Variants in METRNL observed in about 807,000 individuals in gnomAD.
METRNL encodes meteorin-like protein.
METRNL carries 9 observed loss-of-function variants against 17.4 expected under a neutral mutation model. The observed-to-expected ratio is 0.52, with a 90% CI of 0.31 to 0.90. METRNL has a LOEUF of 0.90. Ranked by LOEUF, METRNL falls within the 40% of genes least tolerant of loss-of-function variation. METRNL has a pLI of 0.05. For synonymous variants in METRNL, 215 were observed against 199.3 expected, an observed-to-expected ratio of 1.08 and a Z score of -0.66; for missense variants, 408 against 430.7, an observed-to-expected ratio of 0.95 and a Z score of 0.47.
chr17:83,079,658 G>C lies in METRNL; in HGVS notation c.-158G>C, dbSNP rs1052619822. On this transcript the variant is annotated 5_prime_UTR_variant, in exon 1 of 4. Coordinates refer to ENST00000320095, the MANE Select transcript of METRNL (RefSeq NM_001004431.3). ...GCGGAGCTCTGCGCGCGGCTCCAGC[G>C]GGCCGGGATGGGCGGGCGGCCGCGC... 1.8e-5 allele frequency: 3 copies of C among 170,438 alleles called. No individual in the cohort carries two copies. The highest frequency in any genetic ancestry group is 4.9e-5 in the African/African-American group (2 of 40,936). 10.6% of individuals were successfully genotyped at this position (170,438 alleles called of 1,614,324 possible).
chr17:83,084,767 C>T lies in METRNL; in HGVS notation c.171-171C>T, dbSNP rs543170230. ...CCCTTGTGCCGAAGGGCGGAGATGG[C>T]GCCGGCCTGCCTCACGGGCAGGGGT... On this transcript the variant is annotated intron_variant, in intron 1 of 3. Coordinates refer to ENST00000320095, the MANE Select transcript of METRNL (RefSeq NM_001004431.3). The T allele has an allele frequency of 1.9e-5, 14 of 730,150 alleles. No individual in the cohort carries two copies. In the East Asian group the frequency reaches 2.8e-4, roughly 15 times the overall value. The allele number at this position is 730,150 out of a possible 1,614,324, so 45.2% of individuals were successfully genotyped here.
intron 2 of METRNL, among the ~76,000 whole-genome samples, chr17:83,087,570 GGCCCCTAA>G (rs1253027793): frequency 9.2e-5 from 14 of 152,316 alleles, no homozygotes; most frequent in African/African-American, 3.4e-4. Context: ...AGGGGACGGG[GGCCCCTAA>G]GCCTTTAATG....
intron 2 of METRNL, among the ~76,000 whole-genome samples, chr17:83,086,877 C>G (rs1042944122): frequency 3.3e-5 from 5 of 152,048 alleles, no homozygotes; most frequent in Admixed American, 6.6e-5. Flanking sequence ...AGCCTGTGCC[C>G]TCACCTTTGG....
chr17:83,086,497 G>T (rs1159834760), intron 2 of METRNL, among the ~76,000 whole-genome samples: 1 of 152,168 alleles, frequency 6.6e-6, no homozygotes, highest in African/African-American at 2.4e-5. Flanking sequence ...TGGGAGACCT[G>T]GGGGAGGGGG....
rs532401302 is a variant in METRNL, at chr17:83,083,443, G to A, written c.171-1495G>A. On this transcript the variant is annotated intron_variant, in intron 1 of 3. Transcript: ENST00000320095. ...GACGATGAGGCTGCATAAGAAGAGA[G>A]CTGACTGTAGCTGAGTGTATCAGCC... Among the ~76,000 whole-genome samples, 7 of 152,398 alleles carry A rather than the reference G, an allele frequency of 4.6e-5. No individual in the cohort carries two copies. The South Asian group carries it at 1.4e-3, about 32-fold the overall frequency.
intron 2 of METRNL, among the ~76,000 whole-genome samples, chr17:83,087,326 T>G (rs1346754290): frequency 6.6e-6 from 1 of 152,020 alleles, no homozygotes; most frequent in African/African-American, 2.4e-5. Flanking sequence ...GAAGCAGACA[T>G]GCAGGGATCC....
chr17:83,083,643 G>A (rs1476740757), intron 1 of METRNL, among the ~76,000 whole-genome samples: 1 of 152,222 alleles, frequency 6.6e-6, no homozygotes, highest in Non-Finnish European at 1.5e-5. Flanking sequence ...GGGGTGGGGA[G>A]AGGGTGAGGA....
chr17:83,093,068 C>A, intron 2 of METRNL, 99 bp from the exon 3 acceptor site: 1 of 987,738 alleles, frequency 1.0e-6, no homozygotes, highest in Non-Finnish European at 1.5e-6. Context: ...CCCTCCCTGA[C>A]TTGGCTTTGC....
chr17:83,093,929 C>T (rs1198657491), intron 3 of METRNL, among the ~76,000 whole-genome samples: 1 of 152,190 alleles, frequency 6.6e-6, no homozygotes, highest in African/African-American at 2.4e-5. Flanking sequence ...CTGTGAGCTG[C>T]ACCGGGTCTG....
chr17:83,081,222 C>T (rs1274562319), intron 1 of METRNL, among the ~76,000 whole-genome samples: 1 of 151,950 alleles, frequency 6.6e-6, no homozygotes, highest in African/African-American at 2.4e-5. Flanking sequence ...CGGGAGCCTC[C>T]GAGGCCGACG....
rs577603920 is a variant in METRNL, at chr17:83,084,681, G to A, written c.171-257G>A. 13 of 543,936 alleles carry A rather than the reference G, an allele frequency of 2.4e-5. No individual in the cohort carries two copies. In the East Asian group the frequency reaches 3.7e-4, roughly 16 times the overall value. 33.7% of individuals were successfully genotyped at this position (543,936 alleles called of 1,614,324 possible). A position where few individuals can be genotyped will look rare whatever the true frequency, so the allele number is the denominator to read the frequency against. ...GGACAAGCACCGCCTGCACTCCCGG[G>A]AGCTCGGCCCCGCCCCACCATGGCT... is the stretch of plus-strand genomic sequence containing the variant. On this transcript the variant is annotated intron_variant, in intron 1 of 3. Transcript: ENST00000320095.
At chr17:83,084,468 A>G (rs112327182) in intron 1 of METRNL, 10,462 of 160,058 alleles carry the variant, frequency 0.065, 1,237 homozygotes, top group African/African-American at 0.24. Context: ...GTTGGTACAC[A>G]GGGCCTGCTG....
chr17:83,090,014 C>T (rs113061384), intron 2 of METRNL, among the ~76,000 whole-genome samples: 10 of 152,106 alleles, frequency 6.6e-5, no homozygotes, highest in South Asian at 2.1e-4. Context: ...CCGCTGAGGT[C>T]GTGGGGCCGT....
intron 2 of METRNL, among the ~76,000 whole-genome samples, chr17:83,091,439 C>A (rs1485873430): frequency 6.6e-6 from 1 of 152,232 alleles, no homozygotes; most frequent in East Asian, 1.9e-4. Flanking sequence ...CAAAGACCTG[C>A]GCTTGCCCAG....
intron 1 of METRNL, chr17:83,082,232 G>A (rs2037998383): frequency 1.0e-6 from 1 of 985,344 alleles, no homozygotes; most frequent in Non-Finnish European, 1.2e-6. Flanking sequence ...TCTCCTGCAA[G>A]GTGGGGAAAG....
chr17:83,089,501 T>C (rs1372944869), intron 2 of METRNL, among the ~76,000 whole-genome samples: 3 of 151,882 alleles, frequency 2.0e-5, no homozygotes, highest in Non-Finnish European at 4.4e-5. Context: ...GCAATCTAAG[T>C]CCCCGCAGCA....
At position 83,079,962 on chromosome 17, in the gene METRNL, C is replaced by G. The variant is rs2143601530; in HGVS notation, c.147C>G (p.Ser49Arg). The change falls in exon 1 of 4, where the codon AGC becomes AGG. Residue 49 changes from serine to arginine, a missense_variant. Ser to Arg is a moderately radical substitution (Grantham distance 110). Transcript: ENST00000320095. ...GCGGCGCGGGCGCGCAGTACTCCAGCGACCGGTGCAGCTGGAAGGGGAGGT... is the reference window on the plus strand; with the variant it reads ...GCGGCGCGGGCGCGCAGTACTCCAGGGACCGGTGCAGCTGGAAGGGGAGGT... ...LLGGAGAQYSSDRCSWKGSGL... is the reference protein window; with the variant it reads ...LLGGAGAQYSRDRCSWKGSGL... The G allele has an allele frequency of 9.8e-7, 1 of 1,015,244 alleles. No homozygotes were observed. The highest frequency in any genetic ancestry group is 1.2e-6 in the Non-Finnish European group (1 of 850,920). 62.9% of individuals were successfully genotyped at this position (1,015,244 alleles called of 1,614,324 possible).
chr17:83,082,030 A>G (rs2143611221), intron 1 of METRNL: 2 of 965,686 alleles, frequency 2.1e-6, no homozygotes, highest in African/African-American at 3.5e-5. Flanking sequence ...GACACTGGCC[A>G]CTGCATCGAC....
At chr17:83,084,845 G>A in intron 1 of METRNL, 93 bp from the exon 2 acceptor site, 1 of 1,477,312 alleles carries the variant, frequency 6.8e-7, no homozygotes, top group Non-Finnish European at 9.1e-7. Context: ...GCCATCATTT[G>A]GAGCGGGTAT....
Sources: allele counts gnomAD v4.1 joint callset (sites outside exome capture counted in the v4.1 genomes callset), GRCh38; gene constraint gnomAD v4.1.1; transcripts MANE v1.5; gene names NCBI Gene and HGNC (gene_info 2026-07-23, HGNC 2026-07-21).